The following MICU1 variants were observed in gnomAD, a reference collection of about 807,000 sequenced individuals.
MICU1 encodes the protein calcium uptake protein 1, mitochondrial.
MICU1 carries 45 observed loss-of-function variants against 56.8 expected under a neutral mutation model. The observed-to-expected ratio is 0.79, with a 90% CI of 0.62 to 1.02. The LOEUF is 1.02. Ranked by LOEUF, MICU1 falls within the 50% of genes least tolerant of loss-of-function variation. The pLI is 0.00. For missense variants in MICU1, 504 were observed against 587.1 expected (o/e 0.86, Z 1.46); for synonymous variants, 186 against 195.1 (o/e 0.95, Z 0.39).
At chr10:72,503,239 T>C (rs965873143) in intron 6 of MICU1, among the ~76,000 whole-genome samples, 2 of 151,984 alleles carry the variant, frequency 1.3e-5, no homozygotes, top group Non-Finnish European at 2.9e-5. Flanking sequence ...AAGAAACATA[T>C]AAAGGCACAG....
intron 1 of MICU1, among the ~76,000 whole-genome samples, chr10:72,623,340 AAGGGG>A (rs1182737786): frequency 6.9e-6 from 1 of 144,848 alleles, no homozygotes; most frequent in African/African-American, 2.5e-5. Flanking sequence ...AAGAAAAGGG[AAGGGG>A]AGGGGAGGGA....
intron 10 of MICU1, among the ~76,000 whole-genome samples, chr10:72,405,140 C>T (rs987405522): frequency 1.3e-5 from 2 of 152,084 alleles, no homozygotes; most frequent in Admixed American, 1.3e-4. Flanking sequence ...AACTCCTGAT[C>T]TCAGGTGATC....
chr10:72,520,958 T>G (rs1867799561), intron 5 of MICU1, among the ~76,000 whole-genome samples: 1 of 152,244 alleles, frequency 6.6e-6, no homozygotes, highest in East Asian at 1.9e-4. Context: ...CTATGTTTTA[T>G]GACTTGATTA....
chr10:72,585,094 G>GT lies in MICU1; in HGVS notation c.-1-18301dup, dbSNP rs1169762764. ...TCTTTGGTTTTAGGTTTTTTTTTTT[G>GT]TTTTTTTTTTTGAGACAGAGTTTCC... On this transcript the variant is annotated intron_variant, in intron 1 of 11. Coordinates refer to ENST00000361114, the MANE Select transcript of MICU1 (RefSeq NM_001195518.2). Among the ~76,000 whole-genome samples the GT allele has an allele frequency of 2.6e-3, 349 of 133,322 alleles. 2 individuals carry two copies. Among genetic ancestry groups the GT allele is most frequent in the African/African-American group, 4.5e-3 (164 of 36,280 alleles). The allele number at this position is 133,322 out of a possible 152,430, so 87.5% of individuals were successfully genotyped here. A position where few individuals can be genotyped will look rare whatever the true frequency, so the allele number is the denominator to read the frequency against.
intron 5 of MICU1, among the ~76,000 whole-genome samples, chr10:72,519,660 C>T (rs928803128): frequency 6.6e-6 from 1 of 152,070 alleles, no homozygotes; most frequent in African/African-American, 2.4e-5. Flanking sequence ...GACTCATGAG[C>T]GCTAAGTGTG....
At chr10:72,540,163 A>G (rs1401785115) in intron 4 of MICU1, among the ~76,000 whole-genome samples, 1 of 149,250 alleles carries the variant, frequency 6.7e-6, no homozygotes, top group Non-Finnish European at 1.5e-5. Context: ...GCTACTTGGG[A>G]GGCTGAGGCA....
intron 8 of MICU1, 108 bp downstream of exon 8, chr10:72,474,992 C>T: frequency 1.1e-6 from 1 of 910,322 alleles, no homozygotes; most frequent in Non-Finnish European, 1.6e-6. Context: ...AGCTTCAAAT[C>T]AATCAGTTCT....
chr10:72,576,225 C>CA (rs34829939), intron 1 of MICU1, among the ~76,000 whole-genome samples: 33,239 of 68,902 alleles, frequency 0.48, 6,664 homozygotes, highest in Non-Finnish European at 0.56. Context: ...AAAAAAACAC[C>CA]AAAAAAAAAA....
chr10:72,443,370 T>G lies in MICU1; in HGVS notation c.934-19999A>C, dbSNP rs560274258. ...CTTTTGTTGTGCAGAAGCTCTTGAGTTTAATTAGATCCCATTTGTCAATTT... is the reference window on the plus strand; with the variant it reads ...CTTTTGTTGTGCAGAAGCTCTTGAGGTTAATTAGATCCCATTTGTCAATTT... On this transcript the variant is annotated intron_variant, in intron 8 of 11. Coordinates refer to ENST00000361114, the MANE Select transcript of MICU1 (RefSeq NM_001195518.2). Among the ~76,000 whole-genome samples the G allele has an allele frequency of 7.2e-5, 11 of 152,298 alleles. No homozygotes were observed. In the East Asian group the frequency reaches 2.1e-3, roughly 29 times the overall value.
At chr10:72,512,698 G>GTTTTGTT (rs1554883604) in intron 5 of MICU1, among the ~76,000 whole-genome samples, 5 of 151,656 alleles carry the variant, frequency 3.3e-5, no homozygotes, top group Middle Eastern at 3.2e-3. Context: ...GTTTTGTTTT[G>GTTTTGTT]TTTTGTTTTG....
At chr10:72,428,561 G>A (rs1299458167) in intron 8 of MICU1, among the ~76,000 whole-genome samples, 5 of 152,078 alleles carry the variant, frequency 3.3e-5, no homozygotes, top group Admixed American at 2.6e-4. Flanking sequence ...TGATCCACCC[G>A]CCTCGGCCTC....
At chr10:72,431,012 T>C (rs1348629448) in intron 8 of MICU1, among the ~76,000 whole-genome samples, 1 of 152,204 alleles carries the variant, frequency 6.6e-6, no homozygotes, top group Non-Finnish European at 1.5e-5. Flanking sequence ...CAAGGATTCC[T>C]ACATGTTACA....
chr10:72,421,539 C>T (rs918315628), intron 9 of MICU1, among the ~76,000 whole-genome samples: 10 of 152,106 alleles, frequency 6.6e-5, no homozygotes, highest in Non-Finnish European at 7.4e-5. Flanking sequence ...CCTCCCAAAG[C>T]GTTAGGATTA....
intron 8 of MICU1, among the ~76,000 whole-genome samples, chr10:72,429,439 A>G (rs1291071308): frequency 1.3e-5 from 2 of 151,342 alleles, no homozygotes; most frequent in Non-Finnish European, 1.5e-5. Context: ...AAAAAAAGAA[A>G]AAAAATTCAA....
chr10:72,381,963 TACACACACACACACACACACACACAC>T (rs10535513), intron 10 of MICU1, among the ~76,000 whole-genome samples: 1 of 138,344 alleles, frequency 7.2e-6, no homozygotes, highest in Admixed American at 7.5e-5. Context: ...TATATATCTA[TACACACACACACACACACACACACAC>T]ACACACACAC....
At chr10:72,408,361 C>T (rs371819597) in intron 9 of MICU1, among the ~76,000 whole-genome samples, 8 of 152,098 alleles carry the variant, frequency 5.3e-5, no homozygotes, top group African/African-American at 1.2e-4. Flanking sequence ...CAAGCTGGAG[C>T]GTAATGGCAT....
intron 8 of MICU1, among the ~76,000 whole-genome samples, chr10:72,449,047 C>T (rs1589230851): frequency 6.6e-6 from 1 of 152,186 alleles, no homozygotes; most frequent in Non-Finnish European, 1.5e-5. Context: ...GATCTTCCTG[C>T]CTCAGCCTCC....
chr10:72,613,919 G>A (rs555940431), intron 1 of MICU1, among the ~76,000 whole-genome samples: 91 of 152,144 alleles, frequency 6.0e-4, no homozygotes, highest in Non-Finnish European at 1.8e-4. Context: ...CTGAGGTGGG[G>A]GGATCACCTG....
At chr10:72,378,925 A>C (rs1472919365) in intron 10 of MICU1, among the ~76,000 whole-genome samples, 1 of 152,190 alleles carries the variant, frequency 6.6e-6, no homozygotes, top group Non-Finnish European at 1.5e-5. Context: ...GAAATATCCC[A>C]TCTTTTCTCC....
Sources: gnomAD v4.1 joint callset for allele counts (sites outside exome capture counted in the v4.1 genomes callset) on GRCh38, gnomAD v4.1.1 for gene constraint, MANE v1.5 for transcripts, NCBI Gene and HGNC (gene_info 2026-07-23, HGNC 2026-07-21) for gene names.